OPCML: variants seen among roughly 807,000 people sequenced by gnomAD.
The protein encoded by OPCML is opioid binding protein/cell adhesion molecule like, also known as opioid-binding protein/cell adhesion molecule.
In OPCML, 13 loss-of-function variants were observed where a neutral mutation model predicts 37.8. The observed-to-expected ratio is 0.34, with a 90% confidence interval of 0.22 to 0.55. The LOEUF (loss-of-function observed/expected upper bound fraction) is 0.55. Among genes scored for constraint, OPCML ranks in the 20% least tolerant of loss-of-function variants. OPCML has a pLI of 0.91. For missense variants in OPCML, 341 were observed against 435.6 expected (o/e 0.78, Z 1.93); for synonymous variants, 176 against 168.8 (o/e 1.04, Z -0.33).
chr11:132,917,177 C>T (rs535385616), intron 2 of OPCML, among the ~76,000 whole-genome samples: 1 of 152,060 alleles, frequency 6.6e-6, no homozygotes, highest in Non-Finnish European at 1.5e-5. Context: ...ATTAAGACAC[C>T]GTAACGAGGA....
In OPCML at chr11:133,067,115, T is replaced by C. The variant is rs986698373; in HGVS notation, c.62-124105A>G. On this transcript the variant is annotated intron_variant, in intron 1 of 7. Transcript: ENST00000524381. ...TGAGTTCTGACTCTTTCCCTGTTGC[T>C]CCCTTATGGCATAACGTGCTTAAGT... 6 of 152,226 alleles carry C rather than the reference T, an allele frequency of 3.9e-5. No individual in the cohort carries two copies. The East Asian group carries it at 1.2e-3, about 29-fold the overall frequency. The allele number at this position is 152,226 out of a possible 1,614,324, so 9.4% of individuals were successfully genotyped here.
intron 1 of OPCML, among the ~76,000 whole-genome samples, chr11:133,010,975 C>T (rs1947201471): frequency 1.3e-5 from 2 of 152,246 alleles, no homozygotes; most frequent in African/African-American, 4.8e-5. Flanking sequence ...TTAACCCAAA[C>T]TTAGGAAACA....
At chr11:133,091,115 G>A (rs767671373) in intron 1 of OPCML, among the ~76,000 whole-genome samples, 9 of 152,204 alleles carry the variant, frequency 5.9e-5, no homozygotes, top group Non-Finnish European at 1.2e-4. Flanking sequence ...GGCTTCCCCA[G>A]CTGTGGCTCA....
intron 1 of OPCML, among the ~76,000 whole-genome samples, chr11:133,115,982 A>T (rs536699805): frequency 2.6e-5 from 4 of 151,602 alleles, no homozygotes; most frequent in Non-Finnish European, 5.9e-5. Context: ...ATATATATAT[A>T]TTTTTGAGAC....
At chr11:133,302,849 A>C (rs77831329) in intron 1 of OPCML, among the ~76,000 whole-genome samples, 1 of 152,194 alleles carries the variant, frequency 6.6e-6, no homozygotes, top group Non-Finnish European at 1.5e-5. Flanking sequence ...GAGATGTTAC[A>C]TATTGGGATG....
At chr11:132,660,392 C>T (rs1941914144) in intron 2 of OPCML, among the ~76,000 whole-genome samples, 1 of 152,096 alleles carries the variant, frequency 6.6e-6, no homozygotes, top group Non-Finnish European at 1.5e-5. Context: ...TCAATTAATT[C>T]CTCTTTCAAT....
At chr11:133,073,319 A>T (rs1565432354) in intron 1 of OPCML, among the ~76,000 whole-genome samples, 1 of 152,218 alleles carries the variant, frequency 6.6e-6, no homozygotes, top group Non-Finnish European at 1.5e-5. Context: ...CCATGGCAGC[A>T]TTGGCTGGAA....
intron 2 of OPCML, among the ~76,000 whole-genome samples, chr11:132,697,125 T>C (rs1489141879): frequency 6.6e-6 from 1 of 152,178 alleles, no homozygotes; most frequent in Admixed American, 6.5e-5. Flanking sequence ...AATGAAAATT[T>C]CCCCGTTTCA....
At chr11:133,343,390 A>C (rs1943921419) in intron 1 of OPCML, among the ~76,000 whole-genome samples, 1 of 152,148 alleles carries the variant, frequency 6.6e-6, no homozygotes, top group African/African-American at 2.4e-5. Context: ...ATAAAAAATT[A>C]ATTTTGTTAA....
chr11:132,967,076 G>C (rs1946232379), intron 1 of OPCML, among the ~76,000 whole-genome samples: 2 of 151,864 alleles, frequency 1.3e-5, no homozygotes, highest in South Asian at 4.2e-4. Context: ...CGTGTCACAT[G>C]CCTTTTTTGT....
chr11:133,117,762 A>G (rs993150774), intron 1 of OPCML: 13 of 977,372 alleles, frequency 1.3e-5, no homozygotes, highest in African/African-American at 8.8e-5. Context: ...TACAATTGCA[A>G]TGGAATACTA....
intron 1 of OPCML, among the ~76,000 whole-genome samples, chr11:133,060,421 A>G (rs1191662450): frequency 1.3e-5 from 2 of 152,236 alleles, no homozygotes; most frequent in Admixed American, 6.5e-5. Context: ...TGTTACATAT[A>G]GTCACATGTA....
At chr11:132,863,726 G>A (rs1171729212) in intron 2 of OPCML, among the ~76,000 whole-genome samples, 7 of 152,060 alleles carry the variant, frequency 4.6e-5, no homozygotes, top group South Asian at 2.1e-4. Flanking sequence ...GCCATAAGAC[G>A]CCCACACCCA....
At chr11:132,554,865 T>TG (rs2096390857) in intron 3 of OPCML, among the ~76,000 whole-genome samples, 3 of 102,340 alleles carry the variant, frequency 2.9e-5, no homozygotes, top group South Asian at 4.9e-4. Flanking sequence ...GGGGTAAAGT[T>TG]TTTTTTTTTT....
intron 1 of OPCML, among the ~76,000 whole-genome samples, chr11:133,498,094 G>A (rs1008826273): frequency 2.0e-5 from 3 of 152,148 alleles, no homozygotes; most frequent in Admixed American, 6.5e-5. Flanking sequence ...CTGCACCACC[G>A]GAGAGGAGAG....
At chr11:133,058,272 A>G (rs1214654930) in intron 1 of OPCML, among the ~76,000 whole-genome samples, 1 of 152,234 alleles carries the variant, frequency 6.6e-6, no homozygotes, top group Non-Finnish European at 1.5e-5. Context: ...GAGAGGTGAC[A>G]CATGACGTGG....
chr11:132,557,713 C>A (rs1360339359), intron 3 of OPCML, among the ~76,000 whole-genome samples: 1 of 152,142 alleles, frequency 6.6e-6, no homozygotes, highest in Non-Finnish European at 1.5e-5. Context: ...TTGCCAGGCA[C>A]TGAAGTAATA....
At chr11:133,127,936 G>A (rs1442464403) in intron 1 of OPCML, among the ~76,000 whole-genome samples, 1 of 152,040 alleles carries the variant, frequency 6.6e-6, no homozygotes, top group African/African-American at 2.4e-5. Context: ...GGATGATTAT[G>A]CGCTTTGTTC....
intron 1 of OPCML, among the ~76,000 whole-genome samples, chr11:133,437,341 C>T (rs552455150): frequency 1.7e-3 from 256 of 152,266 alleles, no homozygotes; most frequent in African/African-American, 5.8e-3. Flanking sequence ...AAGCTATTTC[C>T]TCCACTTTCT....
Sources: allele counts gnomAD v4.1 joint callset (sites outside exome capture counted in the v4.1 genomes callset), GRCh38; gene constraint gnomAD v4.1.1; transcripts MANE v1.5; gene names NCBI Gene and HGNC (gene_info 2026-07-23, HGNC 2026-07-21).